PUS7: variants seen among roughly 807,000 people sequenced by gnomAD.
PUS7 encodes the protein pseudouridine synthase 7.
A neutral mutation model predicts 79.8 loss-of-function variants in PUS7; 48 were observed. The observed-to-expected ratio is 0.60, with a 90% confidence interval of 0.48 to 0.76. PUS7 has a LOEUF of 0.76. PUS7 is among the 30% of genes least tolerant of loss of function. PUS7 has a pLI of 0.00. For synonymous variants in PUS7, 286 were observed against 272.2 expected (o/e 1.05, Z -0.50); for missense variants, 729 against 797.6 (o/e 0.91, Z 1.04).
At chr7:105,467,438 T>G (rs58857839) in intron 12 of PUS7, among the ~76,000 whole-genome samples, 1 of 151,520 alleles carries the variant, frequency 6.6e-6, no homozygotes, top group Non-Finnish European at 1.5e-5. Flanking sequence ...TACAGGCGCC[T>G]GCCACCACGC....
chr7:105,505,075 G>A (rs11984193), intron 4 of PUS7, among the ~76,000 whole-genome samples: 1 of 143,728 alleles, frequency 7.0e-6, no homozygotes, highest in Non-Finnish European at 1.6e-5. Context: ...ATCTCTGCTC[G>A]CTGCAACCTC....
At chr7:105,518,531 A>G (rs1164059316) in intron 1 of PUS7, among the ~76,000 whole-genome samples, 1 of 151,668 alleles carries the variant, frequency 6.6e-6, no homozygotes, top group Non-Finnish European at 1.5e-5. Flanking sequence ...CCACCCGAGT[A>G]ACTGGGACTA....
intron 7 of PUS7, among the ~76,000 whole-genome samples, chr7:105,490,805 G>T (rs1020289380): frequency 6.6e-6 from 1 of 152,168 alleles, no homozygotes; most frequent in African/African-American, 2.4e-5. Flanking sequence ...TAGACCAGTG[G>T]TTCCCAATCG....
chr7:105,508,186 G>A lies in PUS7; in HGVS notation c.327C>T (p.Leu109=). The change falls in exon 2 of 16, where the codon CTC becomes CTT. Residue 109 remains leucine, a synonymous_variant. Coordinates refer to ENST00000469408, the MANE Select transcript of PUS7 (RefSeq NM_019042.5). ...TGGTGATGCCTACGTCAGCCTCAGT[G>A]AGTCCATGCTTCATCATGTCTGCAA... ...ESFADMMKHG[L]TEADVGITKF... is the part of the protein sequence containing the mutation. 1 of 1,614,114 alleles carries A rather than the reference G, an allele frequency of 6.2e-7. No homozygotes were observed. Among genetic ancestry groups the A allele is most frequent in the Non-Finnish European group, 8.5e-7 (1 of 1,180,024 alleles).
At chr7:105,511,312 C>A (rs1825693076) in intron 1 of PUS7, among the ~76,000 whole-genome samples, 1 of 151,558 alleles carries the variant, frequency 6.6e-6, no homozygotes, top group East Asian at 1.9e-4. Context: ...AGATTACAGG[C>A]GTGAGCCACC....
chr7:105,466,483 G>A (rs1823648096), intron 12 of PUS7, among the ~76,000 whole-genome samples: 1 of 151,960 alleles, frequency 6.6e-6, no homozygotes, highest in African/African-American at 2.4e-5. Context: ...GAACTCCTGG[G>A]CTCAAGTGAT....
At chr7:105,519,213 G>A (rs1378931063) in intron 1 of PUS7, among the ~76,000 whole-genome samples, 3 of 151,376 alleles carry the variant, frequency 2.0e-5, no homozygotes, top group East Asian at 3.9e-4. Flanking sequence ...TTTTCTTTAG[G>A]GCCAGAGCAC....
At position 105,457,115 on chromosome 7, in the gene PUS7, G is replaced by C. The variant is rs1344712250; in HGVS notation, c.*675C>G. The C allele has an allele frequency of 6.6e-6, 1 of 151,820 alleles. No homozygotes were observed. Among genetic ancestry groups the C allele is most frequent in the East Asian group, 1.9e-4 (1 of 5,184 alleles). 9.4% of individuals were successfully genotyped at this position (151,820 alleles called of 1,614,324 possible). ...GCAGGATTGCACTGCAATCCAGCCT[G>C]TGCTACAGAGTGAGATCCTGTCTCG... On this transcript the variant is annotated 3_prime_UTR_variant, in exon 16 of 16. Coordinates refer to ENST00000469408, the MANE Select transcript of PUS7 (RefSeq NM_019042.5).
chr7:105,513,179 A>G (rs1036764256), intron 1 of PUS7, among the ~76,000 whole-genome samples: 3 of 152,212 alleles, frequency 2.0e-5, no homozygotes, highest in African/African-American at 2.4e-5. Context: ...TGCCTCCCCA[A>G]TGACCATACA....
chr7:105,486,116 A>T (rs1824538980), intron 7 of PUS7, among the ~76,000 whole-genome samples: 2 of 150,442 alleles, frequency 1.3e-5, no homozygotes, highest in African/African-American at 4.9e-5. Context: ...CACTAGTGTG[A>T]TCTAGGCTTA....
At chr7:105,497,048 A>G (rs979928212) in intron 5 of PUS7, 2 of 1,050,296 alleles carry the variant, frequency 1.9e-6, no homozygotes, top group Non-Finnish European at 2.4e-6. Flanking sequence ...AGAGGTGAAC[A>G]TGCAAATGAT....
chr7:105,503,682 G>C (rs1030014822), intron 4 of PUS7, among the ~76,000 whole-genome samples: 5 of 152,144 alleles, frequency 3.3e-5, no homozygotes, highest in African/African-American at 1.2e-4. Flanking sequence ...ACCCAGGCTG[G>C]AGTGCAGTGA....
intron 5 of PUS7, among the ~76,000 whole-genome samples, chr7:105,501,685 C>A (rs1284656375): frequency 6.6e-6 from 1 of 151,994 alleles, no homozygotes; most frequent in Admixed American, 6.6e-5. Flanking sequence ...GCCGGGCGCA[C>A]TGGCTCACAC....
chr7:105,469,980 GACAAGCCTGCCTT>G (rs1167094329), intron 11 of PUS7, among the ~76,000 whole-genome samples: 3 of 152,326 alleles, frequency 2.0e-5, no homozygotes, highest in African/African-American at 7.2e-5. Flanking sequence ...CTGCAGGTTG[GACAAGCCTGCCTT>G]ACATCAATGG....
At position 105,482,486 on chromosome 7, in the gene PUS7, G is replaced by T. The variant is rs375871834; in HGVS notation, c.921-46C>A. On this transcript the variant is annotated intron_variant, in intron 7 of 15. Coordinates refer to ENST00000469408, the MANE Select transcript of PUS7 (RefSeq NM_019042.5). ...GCAACAAAACAAAAAAGAGTAGAAA[G>T]AGGATCATGAGATACTGATTGTCTG... The T allele has an allele frequency of 4.1e-5, 62 of 1,528,458 alleles. No individual in the cohort carries two copies. The Middle Eastern group carries it at 8.2e-4, about 20-fold the overall frequency. The allele number at this position is 1,528,458 out of a possible 1,614,324, so 94.7% of individuals were successfully genotyped here.
chr7:105,504,202 T>C (rs1446671361), intron 4 of PUS7, among the ~76,000 whole-genome samples: 1 of 140,810 alleles, frequency 7.1e-6, no homozygotes, highest in African/African-American at 2.6e-5. Context: ...CCTGAGTAGC[T>C]GGGATTACAG....
chr7:105,505,866 C>T, intron 4 of PUS7, 89 bp downstream of exon 4: 2 of 1,044,938 alleles, frequency 1.9e-6, no homozygotes, highest in Non-Finnish European at 2.9e-6. Context: ...CTTTGTTAAC[C>T]ATTGTAATTT....
At chr7:105,492,004 C>G (rs924793615) in intron 6 of PUS7, among the ~76,000 whole-genome samples, 1 of 145,350 alleles carries the variant, frequency 6.9e-6, no homozygotes. Flanking sequence ...TTGCAGTGAG[C>G]TGAGACCACT....
intron 7 of PUS7, among the ~76,000 whole-genome samples, chr7:105,483,578 C>T (rs1313261824): frequency 2.0e-5 from 3 of 152,106 alleles, no homozygotes; most frequent in East Asian, 1.9e-4. Context: ...CGATTACAGG[C>T]GTGAGATAAG....
Sources: allele counts gnomAD v4.1 joint callset (sites outside exome capture counted in the v4.1 genomes callset), GRCh38; gene constraint gnomAD v4.1.1; transcripts MANE v1.5; gene names NCBI Gene and HGNC (gene_info 2026-07-23, HGNC 2026-07-21).